The following BMP2K variants were observed in gnomAD, a reference collection of about 807,000 sequenced individuals.
BMP2K encodes BMP-2-inducible protein kinase.
A neutral mutation model predicts 116.0 loss-of-function variants in BMP2K; 74 were observed. The ratio of observed to expected loss-of-function variants is 0.64; its 90% CI spans 0.53 to 0.77. The LOEUF (loss-of-function observed/expected upper bound fraction) is 0.77, where lower values mean the gene tolerates loss of function less well. Ranked by LOEUF, BMP2K falls within the 30% of genes least tolerant of loss-of-function variation. BMP2K has a pLI of 0.00. For missense variants in BMP2K, 1,365 were observed against 1,403.6 expected, an observed-to-expected ratio of 0.97 and a Z score of 0.44; for synonymous variants, 486 against 502.5, an observed-to-expected ratio of 0.97 and a Z score of 0.44.
At chr4:78,830,394 T>G (rs1730153063) in intron 2 of BMP2K, among the ~76,000 whole-genome samples, 1 of 152,218 alleles carries the variant, frequency 6.6e-6, no homozygotes. Flanking sequence ...TTTAGCATAG[T>G]TCTTAAGGGC....
intron 14 of BMP2K, among the ~76,000 whole-genome samples, chr4:78,886,930 T>C (rs1733126188): frequency 6.6e-6 from 1 of 152,174 alleles, no homozygotes; most frequent in South Asian, 2.1e-4. Flanking sequence ...AGTTTATTGT[T>C]GGGTTAATTG....
intron 3 of BMP2K, among the ~76,000 whole-genome samples, chr4:78,837,504 C>A (rs538857710): frequency 6.6e-6 from 1 of 152,114 alleles, no homozygotes; most frequent in Non-Finnish European, 1.5e-5. Flanking sequence ...TTGACTCTTT[C>A]GTGTTCTCTC....
intron 14 of BMP2K, among the ~76,000 whole-genome samples, chr4:78,885,427 C>T (rs1733027459): frequency 6.6e-6 from 1 of 152,172 alleles, no homozygotes; most frequent in Admixed American, 6.5e-5. Flanking sequence ...CCTCCCCAAA[C>T]TCATCCCATC....
In BMP2K at chr4:78,847,179, T is replaced by A. The variant is rs1731047481; in HGVS notation, c.669-9T>A. 2.7e-6 allele frequency: 4 copies of A among 1,469,400 alleles called. No individual in the cohort carries two copies. The highest frequency in any genetic ancestry group is 3.6e-6 in the Non-Finnish European group (4 of 1,101,640). The allele number at this position is 1,469,400 out of a possible 1,614,324, so 91.0% of individuals were successfully genotyped here. ...ATATCTCCACTCCATTTCACTCATT[T>A]ACTGCCAGGTATACAACTCTGTCAT... On this transcript the variant is annotated splice_polypyrimidine_tract_variant and intron_variant, in intron 5 of 15. Coordinates refer to ENST00000502613, the MANE Select transcript of BMP2K (RefSeq NM_198892.2).
chr4:78,837,686 G>T (rs1351348433), intron 3 of BMP2K, among the ~76,000 whole-genome samples: 1 of 151,928 alleles, frequency 6.6e-6, no homozygotes, highest in Non-Finnish European at 1.5e-5. Flanking sequence ...TTGAGACAAG[G>T]TCTCACTCTG....
chr4:78,910,843 C>A lies in BMP2K; in HGVS notation c.2296C>A (p.Gln766Lys). The A allele has an allele frequency of 6.2e-7, 1 of 1,613,942 alleles. No individual in the cohort carries two copies. Among genetic ancestry groups the A allele is most frequent in the African/African-American group, 1.3e-5 (1 of 75,030 alleles). Residue 766 changes from glutamine (Q) to lysine (K), a missense_variant, in exon 16 of 16, where the codon CAG becomes AAG. Gln to Lys is a moderately conservative substitution (Grantham distance 53, BLOSUM62 1). Transcript: ENST00000502613. ...EEEQDDEEVLQGEQGDFNDDD... is the reference protein window; with the variant it reads ...EEEQDDEEVLKGEQGDFNDDD... ...AGAGCAAGATGATGAAGAAGTTCTT[C>A]AGGGGGAACAAGGAGATTTTAATGA...
chr4:78,834,894 A>T (rs916495349), intron 3 of BMP2K, among the ~76,000 whole-genome samples: 2 of 152,188 alleles, frequency 1.3e-5, no homozygotes, highest in African/African-American at 2.4e-5. Context: ...TAACAACCAG[A>T]TGTTTCTTGA....
At chr4:78,841,645 C>G (rs1012699952) in intron 3 of BMP2K, among the ~76,000 whole-genome samples, 3 of 152,080 alleles carry the variant, frequency 2.0e-5, no homozygotes, top group African/African-American at 7.2e-5. Context: ...TGATCCCTGT[C>G]TGCCTTGCCA....
At chr4:78,805,978 A>T (rs567602495) in intron 1 of BMP2K, among the ~76,000 whole-genome samples, 1,601 of 152,280 alleles carry the variant, frequency 0.011, 22 homozygotes, top group African/African-American at 0.037. Context: ...CTCACAAAAA[A>T]GAAAAAGAAA....
intron 13 of BMP2K, among the ~76,000 whole-genome samples, chr4:78,877,804 C>T (rs1037529155): frequency 1.3e-5 from 2 of 152,162 alleles, no homozygotes; most frequent in Non-Finnish European, 2.9e-5. Flanking sequence ...TCACCACAAA[C>T]ACATGAGTAA....
chr4:78,822,259 T>C (rs1006785816), intron 1 of BMP2K, among the ~76,000 whole-genome samples: 1 of 152,334 alleles, frequency 6.6e-6, no homozygotes, highest in East Asian at 1.9e-4. Flanking sequence ...TGGTTACCTT[T>C]TTTGTGTGTA....
intron 1 of BMP2K, among the ~76,000 whole-genome samples, chr4:78,804,385 A>G (rs997584185): frequency 2.0e-5 from 3 of 152,182 alleles, no homozygotes; most frequent in Non-Finnish European, 2.9e-5. Context: ...CTTTTTGGCT[A>G]TTATGAACAT....
intron 7 of BMP2K, among the ~76,000 whole-genome samples, chr4:78,855,036 C>T (rs1056717208): frequency 4.6e-5 from 7 of 152,116 alleles, no homozygotes; most frequent in African/African-American, 1.7e-4. Context: ...AGAGAGGGCT[C>T]TGATCAGTAA....
At chr4:78,788,311 T>C (rs1727832146) in intron 1 of BMP2K, among the ~76,000 whole-genome samples, 1 of 152,102 alleles carries the variant, frequency 6.6e-6, no homozygotes, top group Admixed American at 6.6e-5. Context: ...GATGGTGTCT[T>C]CTATGATCAC....
At chr4:78,789,189 C>A (rs995792825) in intron 1 of BMP2K, among the ~76,000 whole-genome samples, 2 of 152,032 alleles carry the variant, frequency 1.3e-5, no homozygotes, top group Admixed American at 6.6e-5. Flanking sequence ...AGTGATTGTC[C>A]AAATTTAGTT....
At chr4:78,830,116 A>C (rs528069587) in intron 2 of BMP2K, among the ~76,000 whole-genome samples, 1 of 152,110 alleles carries the variant, frequency 6.6e-6, no homozygotes, top group Non-Finnish European at 1.5e-5. Context: ...AGCTTAAGCT[A>C]TCTGCCCCCC....
chr4:78,820,593 C>T (rs181484591), intron 1 of BMP2K, among the ~76,000 whole-genome samples: 269 of 151,926 alleles, frequency 1.8e-3, no homozygotes, highest in Non-Finnish European at 1.8e-3. Context: ...TTTTCTGAGA[C>T]GGAGTTTTGC....
chr4:78,832,395 C>T (rs7659561), intron 2 of BMP2K, among the ~76,000 whole-genome samples: 7,363 of 152,220 alleles, frequency 0.048, 561 homozygotes, highest in African/African-American at 0.17. Context: ...AACGTCTTTA[C>T]TAACACACAT....
chr4:78,786,908 T>TC (rs1214565053), intron 1 of BMP2K, among the ~76,000 whole-genome samples: 1 of 152,210 alleles, frequency 6.6e-6, no homozygotes, highest in Non-Finnish European at 1.5e-5. Flanking sequence ...ATTCTTTTTT[T>TC]CCCTCTCATT....
Sources: gnomAD v4.1 joint callset for allele counts (sites outside exome capture counted in the v4.1 genomes callset) on GRCh38, gnomAD v4.1.1 for gene constraint, MANE v1.5 for transcripts, NCBI Gene and HGNC (gene_info 2026-07-23, HGNC 2026-07-21) for gene names.